MECR: variants seen among roughly 807,000 people sequenced by gnomAD.
MECR encodes mitochondrial trans-2-enoyl-CoA reductase.
MECR carries 37 observed loss-of-function variants against 49.1 expected under a neutral mutation model. That is an observed-to-expected ratio of 0.75 (90% confidence interval 0.58 to 0.99). The LOEUF (loss-of-function observed/expected upper bound fraction) is 0.99. MECR is among the 50% of genes least tolerant of loss of function. MECR has a pLI of 0.00. For synonymous variants in MECR, 198 were observed against 191.1 expected, an observed-to-expected ratio of 1.04 and a Z score of -0.30; for missense variants, 470 against 479.6, an observed-to-expected ratio of 0.98 and a Z score of 0.19.
chr1:29,216,880 A>G, intron 1 of MECR, 195 bp from the exon 2 acceptor site: 1 of 1,321,262 alleles, frequency 7.6e-7, no homozygotes, highest in South Asian at 1.6e-5. Context: ...CACGCCTGTA[A>G]TCCCAGCACT....
intron 1 of MECR, among the ~76,000 whole-genome samples, chr1:29,226,765 A>G (rs1682168581): frequency 1.3e-5 from 2 of 151,916 alleles, no homozygotes; most frequent in Non-Finnish European, 2.9e-5. Flanking sequence ...ATAATAACCA[A>G]ACTGGAGTGT....
chr1:29,173,453 GTTTTTTTTTTTTCTTTTT>G, the MECR span: 2 of 99,616 alleles, frequency 2.0e-5, no homozygotes, highest in Admixed American at 2.4e-4. Context: ...CTAAAAAGTT[GTTTTTTTTTTTTCTTTTT>G]TTTTTTTTTT....
At chr1:29,221,987 T>TC (rs1680883891) in intron 1 of MECR, among the ~76,000 whole-genome samples, 2 of 152,208 alleles carry the variant, frequency 1.3e-5, no homozygotes, top group African/African-American at 4.8e-5. Context: ...AATAATTTAC[T>TC]CAAGAGTCTT....
chr1:29,217,692 T>A (rs1679830325), intron 1 of MECR, among the ~76,000 whole-genome samples: 1 of 152,206 alleles, frequency 6.6e-6, no homozygotes, highest in Non-Finnish European at 1.5e-5. Flanking sequence ...CAAGTAGTTC[T>A]TACCAACCGG....
intron 3 of MECR, among the ~76,000 whole-genome samples, chr1:29,209,789 A>T (rs1677506919): frequency 6.6e-6 from 1 of 152,164 alleles, no homozygotes; most frequent in Non-Finnish European, 1.5e-5. Context: ...TTGGCTCAGC[A>T]TCTGGTCACA....
intron 5 of MECR, among the ~76,000 whole-genome samples, chr1:29,202,571 G>A (rs1451391345): frequency 2.0e-5 from 3 of 152,172 alleles, no homozygotes; most frequent in African/African-American, 7.2e-5. Flanking sequence ...GAAACTGGAC[G>A]ATATGATGGA....
intron 1 of MECR, among the ~76,000 whole-genome samples, chr1:29,217,157 A>G (rs1453910950): frequency 6.9e-6 from 1 of 145,954 alleles, no homozygotes; most frequent in Non-Finnish European, 1.5e-5. Flanking sequence ...AAAAAAAGAA[A>G]TCAACATAGG....
chr1:29,176,060 G>T, the MECR span, among the ~76,000 whole-genome samples: 12,962 of 152,150 alleles, frequency 0.085, 702 homozygotes, highest in Non-Finnish European at 0.13. Flanking sequence ...AGACCATCCT[G>T]CCTAACACGG....
intron 1 of MECR, chr1:29,224,346 G>A (rs1278859793): frequency 6.6e-6 from 1 of 152,134 alleles, no homozygotes; most frequent in Non-Finnish European, 1.5e-5. Context: ...GGCCAAGAGG[G>A]GGTCCTTGGT....
chr1:29,199,487 A>G lies in MECR; in HGVS notation c.830+1029T>C, dbSNP rs1465753675. On this transcript the variant is annotated intron_variant, in intron 7 of 9. Transcript: ENST00000263702. ...CGTGATCTGCCCGCCTCAGCCTCCC[A>G]AAGTGCTGGGATTATAGGCTTGAGC... Among the ~76,000 whole-genome samples, 4 of 152,074 alleles carry G rather than the reference A, an allele frequency of 2.6e-5. 1 individual carries two copies.
At chr1:29,209,488 G>C (rs1002547423) in intron 3 of MECR, among the ~76,000 whole-genome samples, 1 of 152,134 alleles carries the variant, frequency 6.6e-6, no homozygotes, top group Non-Finnish European at 1.5e-5. Context: ...GTGGAGTGGG[G>C]AGGGGCAGCG....
At chr1:29,173,263 A>T in the MECR span, 1 of 147,648 alleles carries the variant, frequency 6.8e-6, no homozygotes, top group African/African-American at 2.5e-5. Flanking sequence ...TCAACCTCCC[A>T]AGTAGCTGGG....
chr1:29,205,862 C>T (rs992287682), intron 4 of MECR, among the ~76,000 whole-genome samples: 3 of 152,090 alleles, frequency 2.0e-5, no homozygotes, highest in Non-Finnish European at 4.4e-5. Context: ...CAGCAGTAAC[C>T]GGGCTTCATG....
At chr1:29,210,034 G>A (rs1677582395) in intron 3 of MECR, among the ~76,000 whole-genome samples, 1 of 149,172 alleles carries the variant, frequency 6.7e-6, no homozygotes, top group Admixed American at 6.7e-5. Context: ...TTTTTGAGAT[G>A]GAGTCTTGCT....
intron 5 of MECR, among the ~76,000 whole-genome samples, chr1:29,202,346 T>G (rs2151860483): frequency 6.6e-6 from 1 of 152,338 alleles, no homozygotes; most frequent in South Asian, 2.1e-4. Context: ...TTTCTTCTAC[T>G]GAAAGGACAA....
downstream of MECR, among the ~76,000 whole-genome samples, chr1:29,190,378 A>C (rs756159354): frequency 2.0e-4 from 31 of 152,162 alleles, no homozygotes; most frequent in South Asian, 4.1e-4. Context: ...CAAAACAAAA[A>C]AAAACCGTAG....
Position 29,205,588 on chromosome 1 carries a change from T to C in MECR, c.550+1174A>G, listed in dbSNP as rs531562191. Among the ~76,000 whole-genome samples the C allele has an allele frequency of 3.5e-4, 53 of 151,104 alleles. 1 individual carries two copies. In the South Asian group the frequency reaches 9.5e-3, roughly 27 times the overall value. ...GGCTCGCGCCTGTAATCCCAGCACT[T>C]TGGGAGGCTGAGGTGGGCGGATCAC... On this transcript the variant is annotated intron_variant, in intron 4 of 9. Coordinates refer to ENST00000263702, the MANE Select transcript of MECR (RefSeq NM_016011.5).
chr1:29,227,281 A>G (rs1170490043), intron 1 of MECR, among the ~76,000 whole-genome samples: 1 of 152,080 alleles, frequency 6.6e-6, no homozygotes, highest in Admixed American at 6.6e-5. Context: ...TCTGGGAACT[A>G]TCTGATAGGG....
chr1:29,221,608 A>G (rs1179560886), intron 1 of MECR, among the ~76,000 whole-genome samples: 2 of 152,048 alleles, frequency 1.3e-5, no homozygotes, highest in African/African-American at 4.8e-5. Flanking sequence ...GGCGGGAGGG[A>G]AGAGAAGTCT....
Sources: gnomAD v4.1 joint callset for allele counts (sites outside exome capture counted in the v4.1 genomes callset) on GRCh38, gnomAD v4.1.1 for gene constraint, MANE v1.5 for transcripts, NCBI Gene and HGNC (gene_info 2026-07-23, HGNC 2026-07-21) for gene names.